The following KLHL32 variants were observed in gnomAD, a reference collection of about 807,000 sequenced individuals.
KLHL32 encodes the protein kelch like family member 32.
Under a neutral mutation model 64.8 loss-of-function variants are expected in KLHL32, and 35 were observed. The ratio of observed to expected loss-of-function variants is 0.54; its 90% CI spans 0.41 to 0.72. KLHL32 has a LOEUF of 0.72. KLHL32 is among the 30% of genes least tolerant of loss of function. The pLI, the probability that KLHL32 is intolerant of heterozygous loss-of-function variation, is 0.00. For synonymous variants in KLHL32, 259 were observed against 281.0 expected (o/e 0.92, Z 0.78); for missense variants, 589 against 768.5 (o/e 0.77, Z 2.76).
intron 1 of KLHL32, among the ~76,000 whole-genome samples, chr6:96,927,549 A>G (rs1769313847): frequency 6.6e-6 from 1 of 152,178 alleles, no homozygotes; most frequent in African/African-American, 2.4e-5. Flanking sequence ...ACTTCACTGA[A>G]GTAGGTAAGT....
intron 4 of KLHL32, among the ~76,000 whole-genome samples, chr6:97,063,097 C>T (rs113574493): frequency 3.3e-5 from 5 of 152,104 alleles, no homozygotes; most frequent in Admixed American, 6.5e-5. Flanking sequence ...GACATGATTT[C>T]ATTTGTGGTT....
chr6:97,028,126 G>A (rs1432678453), intron 3 of KLHL32, among the ~76,000 whole-genome samples: 2 of 152,106 alleles, frequency 1.3e-5, no homozygotes, highest in Non-Finnish European at 2.9e-5. Flanking sequence ...CCCCAGCTGT[G>A]CTTCTCAAAC....
intron 1 of KLHL32, among the ~76,000 whole-genome samples, chr6:96,960,311 T>G (rs566093946): frequency 6.6e-5 from 10 of 152,280 alleles, no homozygotes; most frequent in Non-Finnish European, 1.5e-4. Context: ...CAATTCTCGT[T>G]TACCGTACTT....
intron 3 of KLHL32, among the ~76,000 whole-genome samples, chr6:97,034,286 A>G (rs953319417): frequency 6.6e-6 from 1 of 151,954 alleles, no homozygotes; most frequent in African/African-American, 2.4e-5. Context: ...TCCTTTCCCT[A>G]TTGTGTGTTC....
intron 3 of KLHL32, among the ~76,000 whole-genome samples, chr6:96,993,362 G>A (rs1343287987): frequency 1.3e-5 from 2 of 152,124 alleles, no homozygotes; most frequent in Non-Finnish European, 2.9e-5. Context: ...GGTTGGGGTG[G>A]TAAGGGAAGC....
At chr6:97,003,615 A>G (rs1779312090) in intron 3 of KLHL32, among the ~76,000 whole-genome samples, 1 of 152,122 alleles carries the variant, frequency 6.6e-6, no homozygotes, top group Non-Finnish European at 1.5e-5. Flanking sequence ...CAGGATTTTT[A>G]GAGTTTTAGG....
At chr6:97,036,023 A>T (rs978782977) in intron 3 of KLHL32, among the ~76,000 whole-genome samples, 1 of 151,606 alleles carries the variant, frequency 6.6e-6, no homozygotes, top group Middle Eastern at 3.4e-3. Flanking sequence ...ACTCCTTTTT[A>T]TTCTTTTTTC....
intron 3 of KLHL32, among the ~76,000 whole-genome samples, chr6:97,003,354 T>C (rs1394663807): frequency 7.2e-6 from 1 of 139,580 alleles, no homozygotes; most frequent in Non-Finnish European, 1.5e-5. Context: ...TATTTGTTTT[T>C]TGCTTGTTAA....
chr6:97,112,958 A>C (rs1029765576), intron 6 of KLHL32, among the ~76,000 whole-genome samples: 1 of 151,746 alleles, frequency 6.6e-6, no homozygotes, highest in African/African-American at 2.4e-5. Context: ...CTCTTTGCTC[A>C]TATCAAAATG....
intron 3 of KLHL32, among the ~76,000 whole-genome samples, chr6:96,992,010 G>A (rs1777934630): frequency 6.6e-6 from 1 of 152,218 alleles, no homozygotes; most frequent in Non-Finnish European, 1.5e-5. Context: ...ATGGCGGCCT[G>A]CCTGCGACCC....
At chr6:97,066,262 G>A (rs140008935) in intron 5 of KLHL32, among the ~76,000 whole-genome samples, 15 of 152,296 alleles carry the variant, frequency 9.8e-5, no homozygotes, top group South Asian at 6.2e-4. Flanking sequence ...TGGTTAGAGC[G>A]TTAGTTATCA....
At chr6:97,070,588 T>C (rs1447017058) in intron 5 of KLHL32, among the ~76,000 whole-genome samples, 1 of 152,164 alleles carries the variant, frequency 6.6e-6, no homozygotes, top group Non-Finnish European at 1.5e-5. Context: ...ATATGGATAA[T>C]GTAGGATTGA....
chr6:97,060,864 C>T (rs779509853), intron 4 of KLHL32, among the ~76,000 whole-genome samples: 8 of 152,138 alleles, frequency 5.3e-5, no homozygotes, highest in Non-Finnish European at 1.0e-4. Flanking sequence ...ACCCTAAATA[C>T]AGCCACTGGT....
rs965931313 is a variant in KLHL32, at chr6:97,130,980, A to T, written c.1606+31A>T. The T allele has an allele frequency of 1.9e-6, 3 of 1,587,314 alleles. No individual in the cohort carries two copies. The African/African-American group carries it at 4.0e-5, about 21-fold the overall frequency. ...TACCTTTGATTAAGTAAATCAGGAAAAGTAGATTCAAGAAGTCACCAAACT... is the reference window on the plus strand; with the variant it reads ...TACCTTTGATTAAGTAAATCAGGAATAGTAGATTCAAGAAGTCACCAAACT... On this transcript the variant is annotated intron_variant, in intron 9 of 10. Coordinates refer to ENST00000369261, the MANE Select transcript of KLHL32 (RefSeq NM_052904.4).
intron 3 of KLHL32, among the ~76,000 whole-genome samples, chr6:97,000,363 G>A (rs1479435060): frequency 6.6e-6 from 1 of 152,174 alleles, no homozygotes; most frequent in Non-Finnish European, 1.5e-5. Flanking sequence ...GAACTACATT[G>A]TTACACACTG....
At chr6:97,100,966 CT>C (rs58422496) in intron 6 of KLHL32, among the ~76,000 whole-genome samples, 2,713 of 69,314 alleles carry the variant, frequency 0.039, 146 homozygotes, top group African/African-American at 0.18. Flanking sequence ...TGCAGCCAAG[CT>C]TTTTTTTTTT....
At position 97,018,393 on chromosome 6, in the gene KLHL32, C is replaced by T. The variant is rs187196824; in HGVS notation, c.205-23099C>T. 9.3e-4 allele frequency among the ~76,000 whole-genome samples: 141 copies of T among 151,446 alleles called. 2 individuals carry two copies. Among genetic ancestry groups the T allele is most frequent in the African/African-American group, 3.2e-3 (134 of 41,290 alleles). ...CCTGAGGTCAGTAGTTTGAGACCAG[C>T]CTGGCCAACATGGTGAAACCCTGTC... On this transcript the variant is annotated intron_variant, in intron 3 of 10. Coordinates refer to ENST00000369261, the MANE Select transcript of KLHL32 (RefSeq NM_052904.4).
chr6:97,063,613 G>A (rs1789259296), intron 4 of KLHL32, among the ~76,000 whole-genome samples: 1 of 152,220 alleles, frequency 6.6e-6, no homozygotes, highest in African/African-American at 2.4e-5. Context: ...GTAGAGTGGA[G>A]GGGTGAATTG....
intron 5 of KLHL32, among the ~76,000 whole-genome samples, chr6:97,070,351 A>C (rs759312999): frequency 6.6e-6 from 1 of 152,352 alleles, no homozygotes. Context: ...AGTATTTGCT[A>C]TCTGGCATGG....
Sources: allele counts gnomAD v4.1 joint callset (sites outside exome capture counted in the v4.1 genomes callset), GRCh38; gene constraint gnomAD v4.1.1; transcripts MANE v1.5; gene names NCBI Gene and HGNC (gene_info 2026-07-23, HGNC 2026-07-21).